ARHGAP15: variants seen among roughly 807,000 people sequenced by gnomAD.
ARHGAP15 encodes the protein rho GTPase-activating protein 15.
In ARHGAP15, 51 loss-of-function variants were observed where a neutral mutation model predicts 63.7. The ratio of observed to expected loss-of-function variants is 0.80; its 90% confidence interval spans 0.64 to 1.01. ARHGAP15 has a LOEUF of 1.01. ARHGAP15 is among the 50% of genes least tolerant of loss of function. The pLI, the probability that ARHGAP15 is intolerant of heterozygous loss-of-function variation, is 0.00. For synonymous variants in ARHGAP15, 191 were observed against 193.8 expected (o/e 0.99, Z 0.12); for missense variants, 560 against 564.6 (o/e 0.99, Z 0.08).
At chr2:143,307,921 CTTAGTT>C (rs1683252044) in intron 6 of ARHGAP15, among the ~76,000 whole-genome samples, 1 of 152,040 alleles carries the variant, frequency 6.6e-6, no homozygotes, top group African/African-American at 2.4e-5. Flanking sequence ...GTTGAAAAGC[CTTAGTT>C]TTAGTCTTTC....
chr2:143,477,514 T>C (rs1691879275), intron 8 of ARHGAP15, among the ~76,000 whole-genome samples: 2 of 152,180 alleles, frequency 1.3e-5, no homozygotes, highest in Admixed American at 1.3e-4. Context: ...GTTTTTCCTA[T>C]ATCAGAACAT....
chr2:143,452,564 G>A (rs572239120), intron 8 of ARHGAP15, among the ~76,000 whole-genome samples: 5 of 151,816 alleles, frequency 3.3e-5, no homozygotes, highest in African/African-American at 1.2e-4. Flanking sequence ...CAGATAAACA[G>A]TTTAAGGATA....
chr2:143,309,982 AATT>A (rs1163201103), intron 6 of ARHGAP15, among the ~76,000 whole-genome samples: 1 of 151,760 alleles, frequency 6.6e-6, no homozygotes, highest in East Asian at 1.9e-4. Flanking sequence ...AATTATTTTC[AATT>A]ATTAATTTTA....
At chr2:143,303,083 A>G (rs1475927564) in intron 6 of ARHGAP15, among the ~76,000 whole-genome samples, 1 of 152,110 alleles carries the variant, frequency 6.6e-6, no homozygotes, top group Admixed American at 6.6e-5. Context: ...AGGCAATACC[A>G]TTCAGGATGT....
intron 8 of ARHGAP15, among the ~76,000 whole-genome samples, chr2:143,455,061 G>A (rs899485501): frequency 6.6e-6 from 1 of 151,976 alleles, no homozygotes; most frequent in African/African-American, 2.4e-5. Flanking sequence ...AATCTGAGGT[G>A]AGTCCACAGA....
chr2:143,164,277 G>C (rs758324178), intron 2 of ARHGAP15, among the ~76,000 whole-genome samples: 30 of 151,988 alleles, frequency 2.0e-4, no homozygotes, highest in Non-Finnish European at 2.6e-4. Context: ...TTTTCAAAGA[G>C]CATATTAAAA....
chr2:143,410,922 G>A (rs934188334), intron 6 of ARHGAP15, among the ~76,000 whole-genome samples: 2 of 151,912 alleles, frequency 1.3e-5, no homozygotes, highest in African/African-American at 4.8e-5. Context: ...TATCGTAGGA[G>A]GCCAGGCGTG....
chr2:143,396,977 G>A (rs1392780280), intron 6 of ARHGAP15, among the ~76,000 whole-genome samples: 3 of 152,110 alleles, frequency 2.0e-5, no homozygotes, highest in African/African-American at 7.2e-5. Context: ...GTTAGAGATG[G>A]AGGAAGAGGA....
chr2:143,215,203 A>G (rs1692704343), intron 3 of ARHGAP15, among the ~76,000 whole-genome samples: 2 of 152,196 alleles, frequency 1.3e-5, no homozygotes, highest in Admixed American at 1.3e-4. Context: ...AGGATGGTGC[A>G]CCTAAAAGAG....
chr2:143,752,115 C>T (rs1686399520), intron 13 of ARHGAP15, among the ~76,000 whole-genome samples: 1 of 152,160 alleles, frequency 6.6e-6, no homozygotes, highest in South Asian at 2.1e-4. Flanking sequence ...TGCCCCTCAA[C>T]CCTGCCACTT....
At chr2:143,635,895 TC>T (rs1324225078) in intron 12 of ARHGAP15, among the ~76,000 whole-genome samples, 2 of 152,136 alleles carry the variant, frequency 1.3e-5, no homozygotes, top group East Asian at 3.9e-4. Context: ...ATGAGTGTTT[TC>T]TTTTCATTGG....
chr2:143,260,424 A>T (rs1558849496), intron 6 of ARHGAP15, among the ~76,000 whole-genome samples: 1 of 152,150 alleles, frequency 6.6e-6, no homozygotes, highest in Non-Finnish European at 1.5e-5. Flanking sequence ...GTCTTTGAAG[A>T]TTATAGGAGA....
intron 6 of ARHGAP15, among the ~76,000 whole-genome samples, chr2:143,311,194 A>G (rs1056374304): frequency 2.6e-5 from 4 of 152,064 alleles, no homozygotes; most frequent in African/African-American, 9.7e-5. Context: ...AAACTGTAAC[A>G]GGAATCACCC....
At chr2:143,157,683 G>A (rs1371358512) in intron 2 of ARHGAP15, among the ~76,000 whole-genome samples, 1 of 150,794 alleles carries the variant, frequency 6.6e-6, no homozygotes, top group Non-Finnish European at 1.5e-5. Context: ...AGCTTGCCAT[G>A]GCACTAATTT....
At chr2:143,377,919 C>A (rs1035213201) in intron 6 of ARHGAP15, among the ~76,000 whole-genome samples, 1 of 151,880 alleles carries the variant, frequency 6.6e-6, no homozygotes, top group Non-Finnish European at 1.5e-5. Context: ...TCCCTTTTCC[C>A]CTCACAACAA....
At chr2:143,679,628 T>A (rs925721725) in intron 12 of ARHGAP15, among the ~76,000 whole-genome samples, 1 of 149,086 alleles carries the variant, frequency 6.7e-6, no homozygotes, top group African/African-American at 2.4e-5. Flanking sequence ...TGTTGTTTAT[T>A]TCTTGAATGA....
intron 8 of ARHGAP15, among the ~76,000 whole-genome samples, chr2:143,468,659 A>AGTGTGTGTGT (rs778518753): frequency 1.1e-4 from 12 of 109,864 alleles, no homozygotes; most frequent in African/African-American, 2.7e-4. Context: ...AGAGAGAGAG[A>AGTGTGTGTGT]GAGAGTGTGT....
intron 2 of ARHGAP15, among the ~76,000 whole-genome samples, chr2:143,198,529 A>G (rs534911488): frequency 1.3e-5 from 2 of 152,230 alleles, no homozygotes; most frequent in African/African-American, 4.8e-5. Context: ...TTGGTGTGAT[A>G]CATTTTTCTA....
intron 4 of ARHGAP15, among the ~76,000 whole-genome samples, chr2:143,218,640 T>A (rs1692866181): frequency 6.6e-6 from 1 of 152,186 alleles, no homozygotes; most frequent in Non-Finnish European, 1.5e-5. Context: ...TGTTAGCTCT[T>A]GGGCAGCTTT....
Sources: allele counts gnomAD v4.1 joint callset (sites outside exome capture counted in the v4.1 genomes callset), GRCh38; gene constraint gnomAD v4.1.1; transcripts MANE v1.5; gene names NCBI Gene and HGNC (gene_info 2026-07-23, HGNC 2026-07-21).